The following SMC5 variants were observed in gnomAD, a reference collection of about 807,000 sequenced individuals.
SMC5 encodes structural maintenance of chromosomes protein 5.
A neutral mutation model predicts 148.3 loss-of-function variants in SMC5; 88 were observed. The observed-to-expected ratio is 0.59, with a 90% CI of 0.50 to 0.71. The LOEUF (loss-of-function observed/expected upper bound fraction) is 0.71. SMC5 is among the 30% of genes least tolerant of loss of function. SMC5 has a pLI of 0.00. For missense variants in SMC5, 1,142 were observed against 1,298.9 expected (o/e 0.88, Z 1.86); for synonymous variants, 421 against 432.8 (o/e 0.97, Z 0.34).
intron 14 of SMC5, 21 bp from the exon 15 acceptor site, chr9:70,318,773 C>G: frequency 6.5e-7 from 1 of 1,548,042 alleles, no homozygotes; most frequent in Non-Finnish European, 8.7e-7. Context: ...AATATGTTAA[C>G]AATTTTTAAA....
intron 17 of SMC5, among the ~76,000 whole-genome samples, chr9:70,330,543 ACTTT>A (rs1174121824): frequency 6.9e-6 from 1 of 145,502 alleles, no homozygotes; most frequent in African/African-American, 2.5e-5. Context: ...TCTACATGTA[ACTTT>A]CTTTTTTTTT....
At chr9:70,319,016 A>G in intron 15 of SMC5, 53 bp downstream of exon 15, 1 of 1,459,542 alleles carries the variant, frequency 6.9e-7, no homozygotes, top group Non-Finnish European at 9.2e-7. Context: ...ATGGGAGAAT[A>G]TTAATTATAC....
At chr9:70,304,796 GT>G (rs60372644) in intron 10 of SMC5, among the ~76,000 whole-genome samples, 9 of 148,858 alleles carry the variant, frequency 6.0e-5, no homozygotes, top group Non-Finnish European at 1.0e-4. Context: ...CCATAGCAAG[GT>G]TTTTTTTTTT....
chr9:70,318,938 C>T lies in SMC5; in HGVS notation c.2125C>T (p.Gln709Ter). 1 of 1,607,308 alleles carries T rather than the reference C, an allele frequency of 6.2e-7. No homozygotes were observed. Among genetic ancestry groups the T allele is most frequent in the Non-Finnish European group, 8.5e-7 (1 of 1,177,838 alleles). The change falls in exon 15 of 25, where the codon CAA (glutamine) becomes TAA (stop). Residue 709 changes from glutamine to a stop codon, truncating the protein, a stop_gained. Transcript: ENST00000361138. LOFTEE classifies it high-confidence loss of function. ...ERKTKKRQLE[Q>*]KISSKLGSLK... Reference sequence around the variant, plus strand: ...AAAAACCAAGAAAAGACAACTGGAACAAAAAATCAGTTCCAAACTAGGAAG... The same window carrying T: ...AAAAACCAAGAAAAGACAACTGGAATAAAAAATCAGTTCCAAACTAGGAAG...
At chr9:70,299,093 C>A (rs2035286634) in intron 9 of SMC5, among the ~76,000 whole-genome samples, 1 of 151,752 alleles carries the variant, frequency 6.6e-6, no homozygotes, top group Admixed American at 6.6e-5. Context: ...AATAGTACTC[C>A]CTCGCACCCT....
At chr9:70,335,227 C>A (rs543088594) in intron 17 of SMC5, among the ~76,000 whole-genome samples, 1 of 152,294 alleles carries the variant, frequency 6.6e-6, no homozygotes, top group South Asian at 2.1e-4. Flanking sequence ...GGCAGTGGCT[C>A]ATGCCTATAA....
At chr9:70,260,013 C>G (rs1292653749) in intron 1 of SMC5, among the ~76,000 whole-genome samples, 2 of 150,910 alleles carry the variant, frequency 1.3e-5, no homozygotes, top group East Asian at 3.9e-4. Context: ...GCCGCGATCT[C>G]GGCCCACTGC....
intron 8 of SMC5, among the ~76,000 whole-genome samples, chr9:70,293,348 C>G (rs2035114998): frequency 6.8e-6 from 1 of 147,296 alleles, no homozygotes. Context: ...CACCCCCCTA[C>G]TCTTTTTTTA....
chr9:70,277,578 A>T, intron 4 of SMC5, 106 bp downstream of exon 4: 2 of 811,920 alleles, frequency 2.5e-6, no homozygotes, highest in Admixed American at 3.4e-5. Flanking sequence ...TGAACATAGC[A>T]CTCTTACAGT....
chr9:70,321,430 T>C (rs1168144256), intron 15 of SMC5, among the ~76,000 whole-genome samples: 1 of 44,024 alleles, frequency 2.3e-5, no homozygotes, highest in African/African-American at 3.8e-5. Flanking sequence ...TCTTGCTCTG[T>C]TACCCAGGCT....
At chr9:70,340,464 T>C (rs2036489969) in intron 17 of SMC5, among the ~76,000 whole-genome samples, 1 of 152,116 alleles carries the variant, frequency 6.6e-6, no homozygotes, top group African/African-American at 2.4e-5. Context: ...TAAAGTTGAC[T>C]TTCTAAATGA....
In SMC5 at chr9:70,300,085, A is replaced by C; in HGVS notation, c.1349A>C (p.Asn450Thr). ...ATTGTACGTTTTGACAATCTTATGA[A>C]TCAGAAGGAAGATAAGCTAAGACAG... is the stretch of plus-strand genomic sequence containing the variant. Reference protein sequence around the residue: ...DHIVRFDNLMNQKEDKLRQRF... With the variant: ...DHIVRFDNLMTQKEDKLRQRF... The change falls in exon 10 of 25, where the codon AAT becomes ACT. Residue 450 changes from asparagine to threonine, a missense_variant. Physicochemically the swap from Asn to Thr is moderately conservative, Grantham distance 65 (BLOSUM62 0). This residue lies in a region of SMC5 where 743 missense variants were observed against 835.7 expected (regional missense o/e 0.89). Coordinates refer to ENST00000361138, the MANE Select transcript of SMC5 (RefSeq NM_015110.4). 1.3e-6 allele frequency: 2 copies of C among 1,597,318 alleles called. No homozygotes were observed. Among genetic ancestry groups the C allele is most frequent in the Non-Finnish European group, 8.5e-7 (1 of 1,175,784 alleles).
At chr9:70,337,450 G>GTTTTTTTTTTTTTTTTTTTTTTTTTTT (rs201218742) in intron 17 of SMC5, among the ~76,000 whole-genome samples, 1 of 119,938 alleles carries the variant, frequency 8.3e-6, no homozygotes, top group Non-Finnish European at 1.6e-5. Flanking sequence ...TTTGGGATTT[G>GTTTTTTTTTTTTTTTTTTTTTTTTTTT]TTTTTTTTTT....
intron 3 of SMC5, 65 bp downstream of exon 3, chr9:70,268,040 C>T: frequency 7.8e-7 from 1 of 1,278,440 alleles, no homozygotes; most frequent in Non-Finnish European, 1.1e-6. Flanking sequence ...TCATGTTTTC[C>T]TGATGATTAG....
chr9:70,282,569 C>A lies in SMC5; in HGVS notation c.967C>A (p.Arg323=). 2 of 1,568,752 alleles carry A rather than the reference C, an allele frequency of 1.3e-6. No homozygotes were observed. Among genetic ancestry groups the A allele is most frequent in the South Asian group, 1.3e-5 (1 of 79,866 alleles). The change falls in exon 7 of 25, where the codon CGA becomes AGA. Residue 323 remains arginine, a synonymous_variant. Transcript: ENST00000361138. ...MENERHNLEA[R]IKEKATDIKE... is the part of the protein sequence containing the mutation. ...AAACGAGCGTCACAATTTGGAGGCTCGAATCAAAGAAAAGGTACTTTTTGG... is the reference window on the plus strand; with the variant it reads ...AAACGAGCGTCACAATTTGGAGGCTAGAATCAAAGAAAAGGTACTTTTTGG...
chr9:70,306,353 C>T (rs1331901674), intron 11 of SMC5, among the ~76,000 whole-genome samples: 1 of 152,148 alleles, frequency 6.6e-6, no homozygotes, highest in Non-Finnish European at 1.5e-5. Flanking sequence ...AATCTTGACC[C>T]TGCTTTGGCT....
At chr9:70,309,317 CCTTTTTTTT>C (rs2035594025) in intron 11 of SMC5, among the ~76,000 whole-genome samples, 2 of 47,318 alleles carry the variant, frequency 4.2e-5, no homozygotes, top group African/African-American at 1.0e-4. Flanking sequence ...TTTTCCTTTT[CCTTTTTTTT>C]TTTTTTTTTT....
Position 70,318,663 on chromosome 9 carries a change from A to G in SMC5, c.1956A>G (p.Arg652=). ...FLTVTVDLEQ[R]RHLEEQLKEI... ...CTGTCACTGTGGACCTAGAGCAGAG[A>G]AGACACTTAGAAGAACAGCTAAAGG... Residue 652 remains arginine, a synonymous_variant, in exon 14 of 25, where the codon AGA becomes AGG. Transcript: ENST00000361138. 4 of 1,605,058 alleles carry G rather than the reference A, an allele frequency of 2.5e-6. No individual in the cohort carries two copies. The highest frequency in any genetic ancestry group is 1.1e-5 in the South Asian group (1 of 88,632).
chr9:70,308,568 C>G (rs2035567327), intron 11 of SMC5, among the ~76,000 whole-genome samples: 1 of 139,774 alleles, frequency 7.2e-6, no homozygotes, highest in African/African-American at 2.7e-5. Context: ...GCACTCCAGC[C>G]TGGGCGACAG....
Sources: gnomAD v4.1 joint callset for allele counts (sites outside exome capture counted in the v4.1 genomes callset) on GRCh38, gnomAD v4.1.1 for gene constraint, gnomAD v4.1.1 regional missense constraint, MANE v1.5 for transcripts, NCBI Gene and HGNC (gene_info 2026-07-23, HGNC 2026-07-21) for gene names.